Variants in SPRY4 observed in about 807,000 individuals in gnomAD.
The protein encoded by SPRY4 is sprouty RTK signaling antagonist 4, also known as protein sprouty homolog 4.
Under a neutral mutation model 17.0 loss-of-function variants are expected in SPRY4, and 7 were observed. That is an observed-to-expected ratio of 0.41 (90% CI 0.23 to 0.77). The LOEUF (loss-of-function observed/expected upper bound fraction) is 0.77, where lower values mean the gene tolerates loss of function less well. Among genes scored for constraint, SPRY4 ranks in the 30% least tolerant of loss-of-function variants. The pLI, the probability that SPRY4 is intolerant of heterozygous loss-of-function variation, is 0.32. For missense variants in SPRY4, 435 were observed against 419.9 expected (o/e 1.04, Z -0.31); for synonymous variants, 183 against 174.1 (o/e 1.05, Z -0.40).
rs1173399198 is a variant in SPRY4, at chr5:142,324,927, CAGACGCCGG to C, written c.-140_-132del. The C allele has an allele frequency of 6.5e-6, 1 of 152,726 alleles. No homozygotes were observed. Among genetic ancestry groups the C allele is most frequent in the African/African-American group, 2.4e-5 (1 of 41,478 alleles). The allele number at this position is 152,726 out of a possible 1,614,324, so 9.5% of individuals were successfully genotyped here. ...GGCAGGTTAGCCGCCGCTGTACTCGCAGACGCCGGTCGGAGGAACCGGCAAGGCTCCCTG... is the reference window on the plus strand; with the variant it reads ...GGCAGGTTAGCCGCCGCTGTACTCGCTCGGAGGAACCGGCAAGGCTCCCTG... On this transcript the variant is annotated 5_prime_UTR_variant, in exon 1 of 2. Transcript: ENST00000434127.
chr5:142,311,773 CAAG>C lies in SPRY4; in HGVS notation c.*2433_*2435del, dbSNP rs1203639492. On this transcript the variant is annotated 3_prime_UTR_variant, in exon 2 of 2. Transcript: ENST00000434127. The stretch of plus-strand genomic sequence containing the variant: ...TCCATCAAGCAGGTTGAAAGCAAAC[CAAG>C]AAGAACAAGCTAGAACAGGGGCAGG... 1.7e-4 allele frequency: 26 copies of C among 152,310 alleles called. No individual in the cohort carries two copies. The highest frequency in any genetic ancestry group is 2.1e-4 in the South Asian group (1 of 4,800). 9.4% of individuals were successfully genotyped at this position (152,310 alleles called of 1,614,324 possible).
At chr5:142,320,744 C>T (rs779832205) in intron 1 of SPRY4, among the ~76,000 whole-genome samples, 6 of 152,174 alleles carry the variant, frequency 3.9e-5, no homozygotes, top group Non-Finnish European at 8.8e-5. Context: ...TAGGGCAGGG[C>T]TTCCTCCCAC....
chr5:142,314,048 G>T lies in SPRY4; in HGVS notation c.*161C>A. Reference sequence around the variant, plus strand: ...CATCACCTTGGGGAATACAGGGTACGTGGTGGTGGTCTCTGTATTTTCCGA... The same window carrying T: ...CATCACCTTGGGGAATACAGGGTACTTGGTGGTGGTCTCTGTATTTTCCGA... On this transcript the variant is annotated 3_prime_UTR_variant, in exon 2 of 2. Coordinates refer to ENST00000434127, the MANE Select transcript of SPRY4 (RefSeq NM_001127496.3). The surrounding 1 kb of genome is among the most constrained non-coding windows in gnomAD (Gnocchi z 4.8). The T allele has an allele frequency of 2.8e-6, 2 of 709,490 alleles. No homozygotes were observed. Among genetic ancestry groups the T allele is most frequent in the South Asian group, 1.9e-5 (1 of 51,572 alleles). 43.9% of individuals were successfully genotyped at this position (709,490 alleles called of 1,614,324 possible).
Position 142,315,173 on chromosome 5 carries a change from A to T in SPRY4, c.-47-18T>A. The T allele has an allele frequency of 6.7e-7, 1 of 1,497,114 alleles. No homozygotes were observed. Among genetic ancestry groups the T allele is most frequent in the South Asian group, 1.2e-5 (1 of 86,248 alleles). The allele number at this position is 1,497,114 out of a possible 1,614,324, so 92.7% of individuals were successfully genotyped here. On this transcript the variant is annotated intron_variant, in intron 1 of 1. Transcript: ENST00000434127. ...TAGGGGCCCTGGGGGTGGGGTGGGG[A>T]AAAGGAAGAGAGAATGGATTCCAGG...
At chr5:142,319,368 T>C (rs958063777) in intron 1 of SPRY4, among the ~76,000 whole-genome samples, 2 of 152,204 alleles carry the variant, frequency 1.3e-5, no homozygotes, top group African/African-American at 4.8e-5. Context: ...AGAGTTCAAG[T>C]GCTCTTCACT....
chr5:142,317,984 G>A (rs188988936), intron 1 of SPRY4: 3 of 985,300 alleles, frequency 3.0e-6, no homozygotes, highest in Admixed American at 6.1e-5. Flanking sequence ...TTATAACCCC[G>A]ATGTAGTAGG....
At chr5:142,319,891 G>T (rs1759289332) in intron 1 of SPRY4, 14 of 1,201,254 alleles carry the variant, frequency 1.2e-5, no homozygotes, top group Non-Finnish European at 1.6e-5. Context: ...CCCTAGGGAG[G>T]TGAGTTGGGA....
At chr5:142,319,861 C>T in intron 1 of SPRY4, 1 of 1,478,788 alleles carries the variant, frequency 6.8e-7, no homozygotes, top group Non-Finnish European at 9.2e-7. Flanking sequence ...CCCACCCACC[C>T]ACACCCTCCC....
At chr5:142,315,237 G>T in intron 1 of SPRY4, 82 bp from the exon 2 acceptor site, 6 of 912,962 alleles carry the variant, frequency 6.6e-6, no homozygotes, top group Non-Finnish European at 8.1e-6. Flanking sequence ...CCCCCCATCA[G>T]GTCCTTGGGA....
intron 1 of SPRY4, among the ~76,000 whole-genome samples, chr5:142,316,514 G>A (rs1596867676): frequency 6.6e-6 from 1 of 152,190 alleles, no homozygotes; most frequent in East Asian, 1.9e-4. Flanking sequence ...AGAACCCCAG[G>A]GAATGGGGAG....
At chr5:142,323,780 C>G (rs971928154) in intron 1 of SPRY4, 1 of 152,370 alleles carries the variant, frequency 6.6e-6, no homozygotes, top group Admixed American at 6.5e-5. Flanking sequence ...TGGGCACAGC[C>G]CTGGACCCAG....
intron 1 of SPRY4, chr5:142,317,991 TA>T (rs1422523707): frequency 1.3e-5 from 13 of 985,166 alleles, no homozygotes; most frequent in Non-Finnish European, 1.4e-5. Flanking sequence ...CCCGATGTAG[TA>T]GGATTCCTTT....
At chr5:142,321,292 G>A (rs1759337854) in intron 1 of SPRY4, among the ~76,000 whole-genome samples, 5 of 152,218 alleles carry the variant, frequency 3.3e-5, no homozygotes, top group Admixed American at 3.3e-4. Flanking sequence ...GCTGGCCTCT[G>A]TCCCCTTGGG....
intron 1 of SPRY4, among the ~76,000 whole-genome samples, chr5:142,323,442 T>C (rs1759418892): frequency 6.6e-6 from 1 of 152,220 alleles, no homozygotes; most frequent in South Asian, 2.1e-4. Flanking sequence ...TTTCCAGCAC[T>C]AACCGCGCTG....
rs1477061120 is a variant in SPRY4, at chr5:142,313,275, T to C, written c.*934A>G. ...AAAACACCGTTAGCATCCGGTTTAA[T>C]TATTCTATAAAAACATAATGACTGG... On this transcript the variant is annotated 3_prime_UTR_variant, in exon 2 of 2. Coordinates refer to ENST00000434127, the MANE Select transcript of SPRY4 (RefSeq NM_001127496.3). 6.6e-6 allele frequency: 1 copy of C among 152,624 alleles called. No individual in the cohort carries two copies. Among genetic ancestry groups the C allele is most frequent in the Non-Finnish European group, 1.5e-5 (1 of 68,036 alleles). The allele number at this position is 152,624 out of a possible 1,614,324, so 9.5% of individuals were successfully genotyped here.
chr5:142,314,668 C>G lies in SPRY4; in HGVS notation c.441G>C (p.Ala147=), dbSNP rs778942502. ...AGTGCTTGTCCAGCTCGGGTGGGACCGCCGGGCCCTTGAGGTCCAGCGGCT... is the reference window on the plus strand; with the variant it reads ...AGTGCTTGTCCAGCTCGGGTGGGACGGCCGGGCCCTTGAGGTCCAGCGGCT... ...HCQPLDLKGP[A]VPPELDKHFL... The change falls in exon 2 of 2, where the codon GCG becomes GCC. Residue 147 remains alanine, a synonymous_variant. Transcript: ENST00000434127. The surrounding 1 kb of genome is among the most constrained non-coding windows in gnomAD (Gnocchi z 4.8). The G allele has an allele frequency of 1.9e-6, 3 of 1,614,210 alleles. No homozygotes were observed.
chr5:142,320,093 A>G (rs1759296215), intron 1 of SPRY4, among the ~76,000 whole-genome samples: 1 of 152,164 alleles, frequency 6.6e-6, no homozygotes, highest in South Asian at 2.1e-4. Context: ...GAGCCTGCCC[A>G]CCACTATTGC....
rs1486242721 is a variant in SPRY4, at chr5:142,314,883, G to T, written c.226C>A (p.Pro76Thr). ...RTRGGAPELA[P>T]TPARCDQDVT... The stretch of plus-strand genomic sequence containing the variant: ...TCCTGGTCACAGCGGGCGGGCGTCG[G>T]GGCCAGCTCTGGGGCCCCGCCCCGG... Residue 76 changes from proline to threonine, a missense_variant, in exon 2 of 2, where the codon CCG (proline) becomes ACG (threonine). By Grantham distance (38) the Pro-to-Thr change is conservative. Transcript: ENST00000434127. This position sits in a 1 kb window ranked among gnomAD's most constrained non-coding sequence, Gnocchi z 4.8. 1 of 1,601,538 alleles carries T rather than the reference G, an allele frequency of 6.2e-7. No individual in the cohort carries two copies. Among genetic ancestry groups the T allele is most frequent in the Non-Finnish European group, 8.5e-7 (1 of 1,171,846 alleles).
rs917418628 is a variant in SPRY4 at position 142,314,061 on chromosome 5, C to T, written c.*148G>A. 3 of 794,606 alleles carry T rather than the reference C, an allele frequency of 3.8e-6. No homozygotes were observed. Among genetic ancestry groups the T allele is most frequent in the Admixed American group, 2.9e-5 (1 of 34,400 alleles). The allele number at this position is 794,606 out of a possible 1,614,324, so 49.2% of individuals were successfully genotyped here. On this transcript the variant is annotated 3_prime_UTR_variant, in exon 2 of 2. Coordinates refer to ENST00000434127, the MANE Select transcript of SPRY4 (RefSeq NM_001127496.3). This position sits in a 1 kb window ranked among gnomAD's most constrained non-coding sequence, Gnocchi z 4.8. ...AATACAGGGTACGTGGTGGTGGTCT[C>T]TGTATTTTCCGAAGCTGGGGGTAGG...
Sources: allele counts gnomAD v4.1 joint callset (sites outside exome capture counted in the v4.1 genomes callset), GRCh38; gene constraint gnomAD v4.1.1; non-coding constraint Gnocchi (gnomAD v3.1); transcripts MANE v1.5; gene names NCBI Gene and HGNC (gene_info 2026-07-23, HGNC 2026-07-21).